Variants in NPNT observed in about 807,000 individuals in gnomAD.
NPNT encodes preosteoblast EGF-like repeat protein with MAM domain.
A neutral mutation model predicts 68.6 loss-of-function variants in NPNT; 45 were observed. That is an observed-to-expected ratio of 0.66 (90% CI 0.52 to 0.84). NPNT has a LOEUF of 0.84. Ranked by LOEUF, NPNT falls within the 40% of genes least tolerant of loss-of-function variation. The pLI, the probability that NPNT is intolerant of heterozygous loss-of-function variation, is 0.00. For missense variants in NPNT, 672 were observed against 714.8 expected (o/e 0.94, Z 0.68); for synonymous variants, 233 against 253.3 (o/e 0.92, Z 0.76).
At chr4:105,930,341 G>T (rs772323649) in intron 3 of NPNT, among the ~76,000 whole-genome samples, 1 of 152,152 alleles carries the variant, frequency 6.6e-6, no homozygotes, top group Non-Finnish European at 1.5e-5. Flanking sequence ...AGCTTGAAAG[G>T]GTTCCACCAG....
intron 2 of NPNT, among the ~76,000 whole-genome samples, chr4:105,914,223 A>G (rs1180822747): frequency 6.7e-6 from 1 of 148,632 alleles, no homozygotes; most frequent in East Asian, 2.0e-4. Flanking sequence ...TATTATCAGT[A>G]TATCTAGTAT....
At chr4:105,960,258 C>A (rs186933510) in intron 10 of NPNT, among the ~76,000 whole-genome samples, 142 of 152,164 alleles carry the variant, frequency 9.3e-4, no homozygotes, top group African/African-American at 3.3e-3. Context: ...ATTTTAAAAG[C>A]CTAGTTCTTG....
chr4:105,967,218 A>G lies in NPNT; in HGVS notation c.1376A>G (p.Lys459Arg), dbSNP rs1732223405. The change falls in exon 11 of 12, where the codon AAA becomes AGA. Residue 459 changes from lysine to arginine, a missense_variant. Transcript: ENST00000379987. Reference protein sequence around the residue: ...GGQYLTVSAAKAPGGKAARLV... With the variant: ...GGQYLTVSAARAPGGKAARLV... Reference sequence around the variant, plus strand: ...CAATATCTGACAGTGTCGGCAGCCAAAGCCCCAGGGGGAAAAGCTGCACGC... The same window carrying G: ...CAATATCTGACAGTGTCGGCAGCCAGAGCCCCAGGGGGAAAAGCTGCACGC... The G allele has an allele frequency of 6.2e-7, 1 of 1,613,922 alleles. No individual in the cohort carries two copies. Among genetic ancestry groups the G allele is most frequent in the Non-Finnish European group, 8.5e-7 (1 of 1,180,010 alleles).
chr4:105,967,168 C>A lies in NPNT; in HGVS notation c.1346-20C>A. On this transcript the variant is annotated intron_variant, in intron 10 of 11. Transcript: ENST00000379987. ...AAGGGATATTGGCACATACACACAG[C>A]CCTGCTTTTCCCATTCCAGGTGGAC... The A allele has an allele frequency of 6.2e-7, 1 of 1,612,584 alleles. No homozygotes were observed. The highest frequency in any genetic ancestry group is 8.5e-7 in the Non-Finnish European group (1 of 1,179,616).
In NPNT at chr4:105,970,226, A is replaced by G. The variant is rs1223358540; in HGVS notation, c.*1236A>G. The G allele has an allele frequency of 5.3e-6, 3 of 565,478 alleles. No homozygotes were observed. The highest frequency in any genetic ancestry group is 9.5e-6 in the Non-Finnish European group (3 of 315,964). The allele number at this position is 565,478 out of a possible 1,614,324, so 35.0% of individuals were successfully genotyped here. ...TTTACACACACTGGAGGAGCAGGGC[A>G]AGTTGGAATTCTAAGATCCATGAAC... On this transcript the variant is annotated 3_prime_UTR_variant, in exon 12 of 12. Coordinates refer to ENST00000379987, the MANE Select transcript of NPNT (RefSeq NM_001033047.3).
chr4:105,950,107 T>C (rs1258887968), intron 8 of NPNT, among the ~76,000 whole-genome samples: 6 of 152,228 alleles, frequency 3.9e-5, no homozygotes, highest in Admixed American at 2.6e-4. Flanking sequence ...TATTTTATTT[T>C]GGACATACTG....
chr4:105,909,992 C>T (rs1416716486), intron 2 of NPNT, among the ~76,000 whole-genome samples: 1 of 151,892 alleles, frequency 6.6e-6, no homozygotes, highest in Non-Finnish European at 1.5e-5. Flanking sequence ...TACACTTGGC[C>T]TAATACTTAG....
chr4:105,957,621 C>A (rs1731342715), intron 8 of NPNT, among the ~76,000 whole-genome samples: 1 of 152,092 alleles, frequency 6.6e-6, no homozygotes, highest in African/African-American at 2.4e-5. Flanking sequence ...CCTCCAGGAC[C>A]TCAGAGACTA....
At chr4:105,968,698 C>G (rs1732360818) in intron 11 of NPNT, among the ~76,000 whole-genome samples, 197 bp from the exon 12 acceptor site, 2 of 152,178 alleles carry the variant, frequency 1.3e-5, no homozygotes, top group South Asian at 4.1e-4. Flanking sequence ...GTAATGTGGT[C>G]TGATGAACAG....
In NPNT at chr4:105,970,578, C is replaced by A. The variant is rs1258355498; in HGVS notation, c.*1588C>A. 3 of 675,972 alleles carry A rather than the reference C, an allele frequency of 4.4e-6. No homozygotes were observed. The highest frequency in any genetic ancestry group is 1.8e-5 in the African/African-American group (1 of 56,798). The allele number at this position is 675,972 out of a possible 1,614,324, so 41.9% of individuals were successfully genotyped here. ...GCACTAAGAATAGAACAAGAGGAAA[C>A]TGGCTTAGACTAGAGTATAAGGGAG... On this transcript the variant is annotated 3_prime_UTR_variant, in exon 12 of 12. Coordinates refer to ENST00000379987, the MANE Select transcript of NPNT (RefSeq NM_001033047.3).
rs1252426808 is a variant in NPNT at position 105,944,027 on chromosome 4, T to TGCG, written c.1159+1327_1159+1328insGGC. The stretch of plus-strand genomic sequence containing the variant: ...TAAAGGGGATATCAGAGCCGCATTT[T>TGCG]GCTTGTATGTGACTCTCAATTAAAT... On this transcript the variant is annotated intron_variant, in intron 8 of 11. Transcript: ENST00000379987. 2.0e-5 allele frequency among the ~76,000 whole-genome samples: 3 copies of TGCG among 152,246 alleles called. No individual in the cohort carries two copies. In the East Asian group the frequency reaches 5.8e-4, roughly 29 times the overall value.
In NPNT at chr4:105,941,472, A is replaced by T. The variant is rs114802369; in HGVS notation, c.764-835A>T. Reference sequence around the variant, plus strand: ...TAATAGATAAACATGAAAAAAACCCAAAAGTCATAATTTAACATACATTTC... The same window carrying T: ...TAATAGATAAACATGAAAAAAACCCTAAAGTCATAATTTAACATACATTTC... On this transcript the variant is annotated intron_variant, in intron 7 of 11. Coordinates refer to ENST00000379987, the MANE Select transcript of NPNT (RefSeq NM_001033047.3). Among the ~76,000 whole-genome samples the T allele has an allele frequency of 3.5e-3, 528 of 152,326 alleles. 5 individuals carry two copies. The highest frequency in any genetic ancestry group is 6.2e-3 in the Non-Finnish European group (422 of 68,026).
chr4:105,958,444 CA>C lies in NPNT; in HGVS notation c.1160-22del, dbSNP rs561546206. 1.2e-5 allele frequency: 18 copies of C among 1,461,946 alleles called. No individual in the cohort carries two copies. The East Asian group carries it at 1.8e-4, about 15-fold the overall frequency. 90.6% of individuals were successfully genotyped at this position (1,461,946 alleles called of 1,614,324 possible). A position where few individuals can be genotyped will look rare whatever the true frequency, so the allele number is the denominator to read the frequency against. On this transcript the variant is annotated intron_variant, in intron 8 of 11. Transcript: ENST00000379987. ...TCAATACTTCACACACACACACACACAAAAACTCAAAACCTTTCTCTTGCAG... is the reference window on the plus strand; with the variant it reads ...TCAATACTTCACACACACACACACACAAAACTCAAAACCTTTCTCTTGCAG...
chr4:105,954,668 C>G (rs576645932), intron 8 of NPNT, among the ~76,000 whole-genome samples: 11 of 152,338 alleles, frequency 7.2e-5, no homozygotes, highest in African/African-American at 2.4e-4. Context: ...CTCCCTCCCC[C>G]TGTAAGGTCT....
chr4:105,964,775 G>A (rs985723591), intron 10 of NPNT, among the ~76,000 whole-genome samples: 6 of 151,742 alleles, frequency 4.0e-5, no homozygotes, highest in Non-Finnish European at 7.4e-5. Context: ...AAACATTTTT[G>A]TTTGTCTATT....
intron 2 of NPNT, among the ~76,000 whole-genome samples, chr4:105,917,080 G>A (rs1419111617): frequency 6.6e-6 from 1 of 152,164 alleles, no homozygotes; most frequent in African/African-American, 2.4e-5. Context: ...TAATCTGATT[G>A]TGTCATCTAC....
intron 8 of NPNT, among the ~76,000 whole-genome samples, chr4:105,947,810 A>G (rs1220985309): frequency 6.6e-6 from 1 of 152,180 alleles, no homozygotes; most frequent in Admixed American, 6.5e-5. Context: ...TCAAAGATAT[A>G]TAATAGTCAA....
At chr4:105,955,466 G>C (rs2149396189) in intron 8 of NPNT, among the ~76,000 whole-genome samples, 1 of 152,122 alleles carries the variant, frequency 6.6e-6, no homozygotes, top group Non-Finnish European at 1.5e-5. Flanking sequence ...ACAAATAACA[G>C]ACATATAATT....
At position 105,899,757 on chromosome 4, in the gene NPNT, G is replaced by A. The variant is rs571511434; in HGVS notation, c.172+1756G>A. 3.3e-4 allele frequency among the ~76,000 whole-genome samples: 51 copies of A among 152,360 alleles called. 1 individual carries two copies. The South Asian group carries it at 0.01, about 31-fold the overall frequency. ...CTTTACTATTAACATTGAAGTTGGT[G>A]AGGTTGTAAAAATTAGCTCAAAGGT... On this transcript the variant is annotated intron_variant, in intron 2 of 11. Transcript: ENST00000379987.
Sources: allele counts gnomAD v4.1 joint callset (sites outside exome capture counted in the v4.1 genomes callset), GRCh38; gene constraint gnomAD v4.1.1; transcripts MANE v1.5; gene names NCBI Gene and HGNC (gene_info 2026-07-23, HGNC 2026-07-21).